Variants in FBXO17 observed in about 807,000 individuals in gnomAD.
The protein encoded by FBXO17 is F-box only protein 17.
FBXO17 carries 43 observed loss-of-function variants against 34.1 expected under a neutral mutation model. The ratio of observed to expected loss-of-function variants is 1.26; its 90% CI spans 0.99 to 1.62. The LOEUF is 1.62. FBXO17 is among the 40% of genes most tolerant of loss of function. The pLI, the probability that FBXO17 is intolerant of heterozygous loss-of-function variation, is 0.00. For missense variants in FBXO17, 424 were observed against 386.7 expected (o/e 1.10, Z -0.81); for synonymous variants, 169 against 166.0 (o/e 1.02, Z -0.14).
chr19:38,945,861 G>A (rs979780196), intron 4 of FBXO17: 1 of 188,622 alleles, frequency 5.3e-6, no homozygotes, highest in Admixed American at 5.8e-5. Context: ...TGGTCCTGCG[G>A]TTGATTCTGG....
chr19:38,948,829 C>G, intron 2 of FBXO17, 151 bp from the exon 3 acceptor site: 1 of 644,560 alleles, frequency 1.6e-6, no homozygotes, highest in South Asian at 1.9e-5. Context: ...TCCCATTATT[C>G]TGTATTCCTG....
At chr19:38,962,542 G>A (rs1975266525) in intron 1 of FBXO17, among the ~76,000 whole-genome samples, 1 of 152,082 alleles carries the variant, frequency 6.6e-6, no homozygotes, top group Non-Finnish European at 1.5e-5. Context: ...GACTTCTGCC[G>A]CATTCTACTG....
In FBXO17 at chr19:38,966,293, T is replaced by TTGTGTGTGTGTGTGTGTGTG. The variant is rs10569438; in HGVS notation, c.-18+9273_-18+9292dup. Among the ~76,000 whole-genome samples the TTGTGTGTGTGTGTGTGTGTG allele has an allele frequency of 4.5e-3, 649 of 143,036 alleles. 3 individuals carry two copies. The highest frequency in any genetic ancestry group is 0.013 in the African/African-American group (513 of 38,788). The allele number at this position is 143,036 out of a possible 152,430, so 93.8% of individuals were successfully genotyped here. A position where few individuals can be genotyped will look rare whatever the true frequency, so the allele number is the denominator to read the frequency against. On this transcript the variant is annotated intron_variant, in intron 1 of 5. Transcript: ENST00000292852. The stretch of plus-strand genomic sequence containing the variant: ...CCAACATTCTCTTAAATTAAAAATT[T>TTGTGTGTGTGTGTGTGTGTG]TGTGTGTGTGTGTGTGTGTGTGTGT...
rs559666490 is a variant in FBXO17, at chr19:38,974,270, C to T, written c.-18+1316G>A. 5.7e-3 allele frequency among the ~76,000 whole-genome samples: 862 copies of T among 151,554 alleles called. 7 individuals are homozygous for T. Among genetic ancestry groups the T allele is most frequent in the African/African-American group, 0.019 (777 of 41,348 alleles). On this transcript the variant is annotated intron_variant, in intron 1 of 5. Coordinates refer to ENST00000292852, the MANE Select transcript of FBXO17 (RefSeq NM_024907.7). ...CTAATTTTTGTACTTTTAGTAGAGACGGGGTTCATGTTGGCCAGGCTGGTC... is the reference window on the plus strand; with the variant it reads ...CTAATTTTTGTACTTTTAGTAGAGATGGGGTTCATGTTGGCCAGGCTGGTC...
chr19:38,963,948 T>C (rs1193360552), intron 1 of FBXO17, among the ~76,000 whole-genome samples: 1 of 151,852 alleles, frequency 6.6e-6, no homozygotes, highest in Non-Finnish European at 1.5e-5. Flanking sequence ...CACACCTAGT[T>C]AATTTTTGTA....
intron 4 of FBXO17, chr19:38,946,098 TCCTGTCCCAACTATGCTCCCTGAG>T (rs1219909536): frequency 1.4e-5 from 4 of 284,006 alleles, no homozygotes; most frequent in Non-Finnish European, 2.7e-5. Flanking sequence ...CTGAAGCCAG[TCCTGTCCCAACTATGCTCCCTGAG>T]CCTCAGCTCA....
intron 1 of FBXO17, among the ~76,000 whole-genome samples, chr19:38,966,831 T>C (rs1417564847): frequency 6.6e-6 from 1 of 152,186 alleles, no homozygotes; most frequent in East Asian, 1.9e-4. Flanking sequence ...TTTCAACAAA[T>C]GGTGCTGGGA....
chr19:38,943,642 T>G (rs1974928144), intron 5 of FBXO17, among the ~76,000 whole-genome samples: 1 of 152,034 alleles, frequency 6.6e-6, no homozygotes. Flanking sequence ...CAGGCTGGAG[T>G]GCAGTGGCAT....
intron 1 of FBXO17, among the ~76,000 whole-genome samples, chr19:38,963,583 G>T (rs34835162): frequency 7.9e-5 from 12 of 151,838 alleles, no homozygotes; most frequent in African/African-American, 2.9e-4. Context: ...ATGAGCCACC[G>T]CGCTTGGCCC....
At chr19:38,974,681 G>A (rs193199651) in intron 1 of FBXO17, among the ~76,000 whole-genome samples, 22 of 152,280 alleles carry the variant, frequency 1.4e-4, no homozygotes, top group Non-Finnish European at 2.6e-4. Context: ...ATGCTGTAAA[G>A]ATTTGGAAAT....
In FBXO17 at chr19:38,942,811, TCAA is replaced by T. The variant is rs1974912702; in HGVS notation, c.694-63_694-61del. On this transcript the variant is annotated intron_variant, in intron 5 of 5. Transcript: ENST00000292852. Reference sequence around the variant, plus strand: ...TGCGGGCCCCTTCTCTTCCTCCACTTCAACAGATAGGCCCAAAGGACTGAGGAG... The same window carrying T: ...TGCGGGCCCCTTCTCTTCCTCCACTTCAGATAGGCCCAAAGGACTGAGGAG... 6 of 1,564,360 alleles carry T rather than the reference TCAA, an allele frequency of 3.8e-6. No individual in the cohort carries two copies. In the Admixed American group the frequency reaches 1.2e-4, roughly 32 times the overall value.
intron 1 of FBXO17, among the ~76,000 whole-genome samples, chr19:38,962,139 C>A (rs1281357259): frequency 2.1e-5 from 3 of 140,032 alleles, no homozygotes; most frequent in Admixed American, 7.3e-5. Context: ...GCTCCGGGAA[C>A]GGTGGCTTAC....
intron 1 of FBXO17, chr19:38,952,668 T>A (rs1489869761): frequency 1.9e-6 from 1 of 532,494 alleles, no homozygotes; most frequent in African/African-American, 1.9e-5. Flanking sequence ...GCTCTTAGCA[T>A]CATTCTCAGT....
At chr19:38,972,079 G>T (rs1975397622) in intron 1 of FBXO17, among the ~76,000 whole-genome samples, 1 of 152,166 alleles carries the variant, frequency 6.6e-6, no homozygotes, top group African/African-American at 2.4e-5. Context: ...CATGTCAAAA[G>T]ACAAAATTAC....
intron 1 of FBXO17, among the ~76,000 whole-genome samples, chr19:38,965,511 T>G (rs1284960892): frequency 6.6e-6 from 1 of 151,590 alleles, no homozygotes; most frequent in Non-Finnish European, 1.5e-5. Flanking sequence ...TATTTTTATT[T>G]TTATTTATTT....
Position 38,948,273 on chromosome 19 carries a change from G to T in FBXO17, c.461+294C>A, listed in dbSNP as rs190960366. Among the ~76,000 whole-genome samples the T allele has an allele frequency of 5.2e-4, 79 of 152,318 alleles. No individual in the cohort carries two copies. The East Asian group carries it at 0.014, about 27-fold the overall frequency. On this transcript the variant is annotated intron_variant, in intron 3 of 5. Transcript: ENST00000292852. ...TTACAGGCGAGAGCCACCGTGCCCGGCCCAAAACCCTGTCTTTAGATCAAA... is the reference window on the plus strand; with the variant it reads ...TTACAGGCGAGAGCCACCGTGCCCGTCCCAAAACCCTGTCTTTAGATCAAA...
At chr19:38,968,243 T>C (rs1322211032) in intron 1 of FBXO17, among the ~76,000 whole-genome samples, 1 of 151,668 alleles carries the variant, frequency 6.6e-6, no homozygotes, top group Non-Finnish European at 1.5e-5. Context: ...CACTTGAACC[T>C]GGGAGGTGGA....
chr19:38,968,126 C>G (rs962098181), intron 1 of FBXO17, among the ~76,000 whole-genome samples: 10 of 151,984 alleles, frequency 6.6e-5, no homozygotes, highest in Non-Finnish European at 1.3e-4. Flanking sequence ...CGAGACCAGC[C>G]TGGCCAACAT....
intron 1 of FBXO17, among the ~76,000 whole-genome samples, chr19:38,968,624 T>C (rs1407710394): frequency 3.3e-5 from 5 of 152,158 alleles, no homozygotes; most frequent in Non-Finnish European, 7.3e-5. Context: ...CTAATGTTCA[T>C]AGCAGCTTTA....
Sources: allele counts gnomAD v4.1 joint callset (sites outside exome capture counted in the v4.1 genomes callset), GRCh38; gene constraint gnomAD v4.1.1; transcripts MANE v1.5; gene names NCBI Gene and HGNC (gene_info 2026-07-23, HGNC 2026-07-21).